The following RBFOX1 variants were observed in gnomAD, a reference collection of about 807,000 sequenced individuals.
RBFOX1 encodes RNA binding fox-1 homolog 1.
RBFOX1 carries 8 observed loss-of-function variants against 57.7 expected under a neutral mutation model. The ratio of observed to expected loss-of-function variants is 0.14; its 90% CI spans 0.08 to 0.25. The LOEUF is 0.25. Ranked by LOEUF, RBFOX1 falls within the 10% of genes least tolerant of loss-of-function variation. RBFOX1 has a pLI of 1.00. For synonymous variants in RBFOX1, 326 were observed against 222.4 expected (o/e 1.47, Z -4.15); for missense variants, 611 against 548.5 (o/e 1.11, Z -1.14).
intron 4 of RBFOX1, among the ~76,000 whole-genome samples, chr16:7,423,235 C>T (rs1169627661): frequency 6.6e-6 from 1 of 152,086 alleles, no homozygotes; most frequent in African/African-American, 2.4e-5. Flanking sequence ...CGTGGGGTAC[C>T]TGTATCCAAC....
chr16:7,269,952 T>C (rs1380052340), intron 4 of RBFOX1, among the ~76,000 whole-genome samples: 2 of 152,258 alleles, frequency 1.3e-5, no homozygotes, highest in Admixed American at 6.5e-5. Context: ...ATTAATTTGA[T>C]AGGTAAAAAT....
At chr16:7,404,527 G>A (rs560103652) in intron 4 of RBFOX1, among the ~76,000 whole-genome samples, 23 of 152,112 alleles carry the variant, frequency 1.5e-4, no homozygotes, top group Admixed American at 5.2e-4. Context: ...ATAGATAGGT[G>A]CTATTATCAT....
At chr16:6,093,319 G>A (rs779770093) in intron 1 of RBFOX1, among the ~76,000 whole-genome samples, 19 of 151,856 alleles carry the variant, frequency 1.3e-4, no homozygotes, top group African/African-American at 3.4e-4. Flanking sequence ...CGCACCTGTA[G>A]GCACATCTAC....
intron 3 of RBFOX1, among the ~76,000 whole-genome samples, chr16:7,011,746 C>G (rs913723481): frequency 6.6e-6 from 1 of 152,108 alleles, no homozygotes; most frequent in African/African-American, 2.4e-5. Flanking sequence ...GATCTCCTGA[C>G]CTCGTGATCC....
intron 1 of RBFOX1, among the ~76,000 whole-genome samples, chr16:6,302,016 A>G (rs935357136): frequency 1.3e-5 from 2 of 152,112 alleles, no homozygotes; most frequent in Admixed American, 1.3e-4. Flanking sequence ...GCAGGTTTTC[A>G]GTTCTTACCA....
At chr16:7,296,032 A>T (rs1463997447) in intron 4 of RBFOX1, among the ~76,000 whole-genome samples, 1 of 151,918 alleles carries the variant, frequency 6.6e-6, no homozygotes, top group Non-Finnish European at 1.5e-5. Context: ...GTGATAGCTA[A>T]CAAGTATTGT....
At position 6,299,655 on chromosome 16, in the gene RBFOX1, C is replaced by T. The variant is rs192995369; in HGVS notation, c.-126-17340C>T. 1.7e-3 allele frequency among the ~76,000 whole-genome samples: 261 copies of T among 152,302 alleles called. 1 individual carries two copies. The highest frequency in any genetic ancestry group is 6.1e-3 in the African/African-American group (254 of 41,556). Reference sequence around the variant, plus strand: ...ATGGTCAGAACAAGTCATTCCCCTTCTCAGAGATCCCTAATGGATCCTTAA... The same window carrying T: ...ATGGTCAGAACAAGTCATTCCCCTTTTCAGAGATCCCTAATGGATCCTTAA... On this transcript the variant is annotated intron_variant, in intron 1 of 15. Transcript: ENST00000550418.
At chr16:5,737,105 A>AGGTCTAAT (rs2052605019) in intron 3 of RBFOX1, among the ~76,000 whole-genome samples, 2 of 151,962 alleles carry the variant, frequency 1.3e-5, no homozygotes, top group African/African-American at 4.8e-5. Context: ...AATCTGCTTG[A>AGGTCTAAT]GGTCTAATAT....
chr16:6,694,264 G>T (rs566849007), intron 3 of RBFOX1, among the ~76,000 whole-genome samples: 1 of 152,150 alleles, frequency 6.6e-6, no homozygotes, highest in Non-Finnish European at 1.5e-5. Flanking sequence ...AATTAGAGAG[G>T]AGGTTGGTGT....
chr16:7,157,092 C>T (rs2077305963), intron 4 of RBFOX1, among the ~76,000 whole-genome samples: 1 of 152,140 alleles, frequency 6.6e-6, no homozygotes, highest in South Asian at 2.1e-4. Flanking sequence ...AATATTCAGC[C>T]ACTTCCATGC....
At chr16:5,486,398 A>G (rs77705019) in intron 2 of RBFOX1, among the ~76,000 whole-genome samples, 5,054 of 152,258 alleles carry the variant, frequency 0.033, 218 homozygotes, top group African/African-American at 0.1. Context: ...GAGGGGACCA[A>G]TGAAGACTTG....
intron 3 of RBFOX1, among the ~76,000 whole-genome samples, chr16:6,829,952 TG>T (rs2092582992): frequency 1.3e-5 from 2 of 151,698 alleles, no homozygotes; most frequent in South Asian, 4.2e-4. Flanking sequence ...GTTTTGCTCT[TG>T]TTGCCCAGGC....
At chr16:6,400,580 G>A (rs74774887) in intron 2 of RBFOX1, among the ~76,000 whole-genome samples, 2,017 of 152,304 alleles carry the variant, frequency 0.013, 41 homozygotes, top group African/African-American at 0.044. Context: ...GATGGGAATA[G>A]TAAATATAAA....
intron 3 of RBFOX1, among the ~76,000 whole-genome samples, chr16:6,902,113 A>G (rs1450063370): frequency 2.6e-5 from 4 of 152,152 alleles, no homozygotes; most frequent in African/African-American, 9.7e-5. Context: ...CAGGTGTCTT[A>G]CTTGAAACCA....
intron 1 of RBFOX1, among the ~76,000 whole-genome samples, chr16:6,251,154 A>G (rs767358814): frequency 1.3e-5 from 2 of 152,186 alleles, no homozygotes; most frequent in Non-Finnish European, 2.9e-5. Flanking sequence ...ACAACCCTAC[A>G]GTAATAATAA....
chr16:6,970,154 G>C (rs569154125), intron 3 of RBFOX1, among the ~76,000 whole-genome samples: 1 of 151,372 alleles, frequency 6.6e-6, no homozygotes, highest in South Asian at 2.1e-4. Context: ...TTCCAGCCTG[G>C]GCAACAGAAC....
intron 4 of RBFOX1, among the ~76,000 whole-genome samples, chr16:5,869,274 G>A (rs937156896): frequency 1.3e-4 from 20 of 152,134 alleles, no homozygotes; most frequent in African/African-American, 4.8e-4. Context: ...AGACAGCTGT[G>A]TGTTTCCTAT....
chr16:5,964,438 T>G (rs145174187), intron 4 of RBFOX1, among the ~76,000 whole-genome samples: 161 of 152,312 alleles, frequency 1.1e-3, no homozygotes, highest in African/African-American at 3.8e-3. Context: ...ACTTCCATGT[T>G]TATTGCACTT....
rs560217752 is a variant in RBFOX1 at position 6,964,879 on chromosome 16, C to G, written c.-15-87178C>G. On this transcript the variant is annotated intron_variant, in intron 3 of 15. Transcript: ENST00000550418. ...CCTTGCTGTGTGACCCTGGGCAAGT[C>G]ACTCCTTAACCTCCTCCCTGACTTA... is the stretch of plus-strand genomic sequence containing the variant. Among the ~76,000 whole-genome samples the G allele has an allele frequency of 6.6e-5, 10 of 152,260 alleles. No homozygotes were observed. In the South Asian group the frequency reaches 2.1e-3, roughly 32 times the overall value.
Sources: allele counts gnomAD v4.1 joint callset (sites outside exome capture counted in the v4.1 genomes callset), GRCh38; gene constraint gnomAD v4.1.1; transcripts MANE v1.5; gene names NCBI Gene and HGNC (gene_info 2026-07-23, HGNC 2026-07-21).